The following CFAP54 variants were observed in gnomAD, a reference collection of about 807,000 sequenced individuals.
CFAP54 encodes the protein cilia- and flagella-associated protein 54.
In CFAP54, 290 loss-of-function variants were observed where a neutral mutation model predicts 370.4. The ratio of observed to expected loss-of-function variants is 0.78; its 90% CI spans 0.71 to 0.86. The LOEUF (loss-of-function observed/expected upper bound fraction) is 0.86. CFAP54 is among the 40% of genes least tolerant of loss of function. The pLI is 0.00. For missense variants in CFAP54, 3,399 were observed against 3,528.7 expected (o/e 0.96, Z 0.93); for synonymous variants, 1,206 against 1,236.5 (o/e 0.98, Z 0.52).
intron 55 of CFAP54, among the ~76,000 whole-genome samples, chr12:96,751,938 C>T (rs897423728): frequency 2.6e-5 from 4 of 152,084 alleles, no homozygotes; most frequent in Non-Finnish European, 2.9e-5. Flanking sequence ...TGCCTGGCCT[C>T]CTTACTCTTC....
At chr12:96,540,424 A>G (rs1264772705) in intron 13 of CFAP54, among the ~76,000 whole-genome samples, 1 of 152,148 alleles carries the variant, frequency 6.6e-6, no homozygotes, top group Non-Finnish European at 1.5e-5. Context: ...AAGTCACCTG[A>G]TATGGAGCCT....
chr12:96,785,704 C>T (rs1958622463), intron 61 of CFAP54, among the ~76,000 whole-genome samples: 1 of 152,194 alleles, frequency 6.6e-6, no homozygotes, highest in Admixed American at 6.5e-5. Flanking sequence ...AGCCAGTCTG[C>T]TCACCTCTGA....
intron 50 of CFAP54, among the ~76,000 whole-genome samples, chr12:96,728,708 C>T (rs1297677786): frequency 1.3e-5 from 2 of 152,182 alleles, no homozygotes; most frequent in African/African-American, 2.4e-5. Context: ...AGCTTTGTTC[C>T]GTTGCTGGTG....
In CFAP54 at chr12:96,576,529, GTAAA is replaced by G. The variant is rs764655611; in HGVS notation, c.2620-53_2620-50del. On this transcript the variant is annotated intron_variant, in intron 19 of 67. Transcript: ENST00000524981. ...TTAACATCACTAGAATTCTATAAAC[GTAAA>G]TAGAGTTCAAGCTCTTGACATATAT... 886 of 1,278,050 alleles carry G rather than the reference GTAAA, an allele frequency of 6.9e-4. 1 individual carries two copies. The highest frequency in any genetic ancestry group is 8.1e-4 in the Non-Finnish European group (767 of 952,364). 79.2% of individuals were successfully genotyped at this position (1,278,050 alleles called of 1,614,324 possible). A position where few individuals can be genotyped will look rare whatever the true frequency, so the allele number is the denominator to read the frequency against.
chr12:96,653,146 G>A (rs1287285532), intron 36 of CFAP54, among the ~76,000 whole-genome samples: 1 of 152,168 alleles, frequency 6.6e-6, no homozygotes, highest in Non-Finnish European at 1.5e-5. Flanking sequence ...GGCTGTTCCT[G>A]AGTTTTCTTT....
chr12:96,514,021 A>G (rs540553290), intron 5 of CFAP54, among the ~76,000 whole-genome samples: 5 of 152,314 alleles, frequency 3.3e-5, no homozygotes, highest in Admixed American at 2.0e-4. Flanking sequence ...TGACTTCCCT[A>G]CAATGTTGGT....
chr12:96,855,226 A>T (rs1222209848), intron 66 of CFAP54, among the ~76,000 whole-genome samples: 1 of 152,138 alleles, frequency 6.6e-6, no homozygotes, highest in Non-Finnish European at 1.5e-5. Context: ...CATGGGGAAT[A>T]TGGGAACTAT....
At chr12:96,764,792 T>G (rs1402055672) in intron 59 of CFAP54, among the ~76,000 whole-genome samples, 2 of 152,226 alleles carry the variant, frequency 1.3e-5, no homozygotes, top group Non-Finnish European at 2.9e-5. Context: ...TATACATGTG[T>G]ACATATTTGA....
chr12:96,542,186 C>T (rs142028908), intron 14 of CFAP54, among the ~76,000 whole-genome samples: 39 of 152,272 alleles, frequency 2.6e-4, no homozygotes, highest in African/African-American at 8.7e-4. Context: ...GCCTGTCCTC[C>T]GCTGTTGAGT....
chr12:96,568,500 T>G (rs1955883600), intron 19 of CFAP54, among the ~76,000 whole-genome samples: 1 of 152,158 alleles, frequency 6.6e-6, no homozygotes. Context: ...TGATCAGTCC[T>G]CAGGGTACTC....
Position 96,720,428 on chromosome 12 carries a change from G to T in CFAP54, c.6828G>T (p.Glu2276Asp), listed in dbSNP as rs1957735890. 1 of 1,555,374 alleles carries T rather than the reference G, an allele frequency of 6.4e-7. No homozygotes were observed. Among genetic ancestry groups the T allele is most frequent in the Non-Finnish European group, 8.7e-7 (1 of 1,147,636 alleles). Residue 2276 changes from glutamate (E) to aspartate (D), a missense_variant, in exon 50 of 68, where the codon GAG (glutamate) becomes GAT (aspartate). By Grantham distance (45) the Glu-to-Asp change is conservative. Transcript: ENST00000524981. Reference protein sequence around the residue: ...MLKSMLLMEAEDRLNFLLSEV... With the variant: ...MLKSMLLMEADDRLNFLLSEV... ...AGTCGATGTTACTGATGGAAGCTGA[G>T]GACAGGCTAAACTTCCTTCTGTCCG...
intron 26 of CFAP54, among the ~76,000 whole-genome samples, chr12:96,610,411 G>C (rs1444458597): frequency 7.3e-5 from 11 of 151,458 alleles, no homozygotes; most frequent in Admixed American, 7.2e-4. Context: ...GGGAGTTATG[G>C]GGGGGTGGGG....
rs1957983264 is a variant in CFAP54, at chr12:96,736,669, T to A, written c.6966-3287T>A. On this transcript the variant is annotated intron_variant, in intron 50 of 67. Coordinates refer to ENST00000524981, the MANE Select transcript of CFAP54 (RefSeq NM_001306084.2). Reference sequence around the variant, plus strand: ...TAAAAGGATTTTCAGTTATCAAAGATACTAAGAAAAGATAAAGAAACAAAG... The same window carrying A: ...TAAAAGGATTTTCAGTTATCAAAGAAACTAAGAAAAGATAAAGAAACAAAG... Among the ~76,000 whole-genome samples, 6 of 152,190 alleles carry A rather than the reference T, an allele frequency of 3.9e-5. No homozygotes were observed. The South Asian group carries it at 1.2e-3, about 32-fold the overall frequency.
At chr12:96,595,643 C>A (rs1160693757) in intron 25 of CFAP54, among the ~76,000 whole-genome samples, 1 of 152,112 alleles carries the variant, frequency 6.6e-6, no homozygotes, top group Admixed American at 6.5e-5. Context: ...AGGTGTGTCT[C>A]CTCCTACATT....
At chr12:96,872,868 C>G (rs377223973) in intron 67 of CFAP54, among the ~76,000 whole-genome samples, 10 of 152,160 alleles carry the variant, frequency 6.6e-5, no homozygotes, top group African/African-American at 2.2e-4. Flanking sequence ...TGGGACTATC[C>G]CCAAACTAAG....
chr12:96,726,099 TG>T (rs1425614062), intron 50 of CFAP54, among the ~76,000 whole-genome samples: 1 of 149,774 alleles, frequency 6.7e-6, no homozygotes, highest in Admixed American at 6.7e-5. Flanking sequence ...TGAGGATTTT[TG>T]CATCAATGTT....
chr12:96,786,631 G>A (rs192798989), intron 61 of CFAP54, 44 bp from the exon 62 acceptor site: 15 of 1,370,618 alleles, frequency 1.1e-5, no homozygotes, highest in South Asian at 2.6e-5. Context: ...AGATCATCCC[G>A]TTTTCTAATA....
At chr12:96,566,212 G>T (rs1024513792) in intron 19 of CFAP54, among the ~76,000 whole-genome samples, 1 of 152,170 alleles carries the variant, frequency 6.6e-6, no homozygotes, top group Non-Finnish European at 1.5e-5. Flanking sequence ...TCTTACCTCT[G>T]TCGGATGCAG....
At chr12:96,759,304 C>A (rs1198905811) in intron 58 of CFAP54, among the ~76,000 whole-genome samples, 2 of 148,964 alleles carry the variant, frequency 1.3e-5, no homozygotes, top group African/African-American at 4.9e-5. Flanking sequence ...AAAAAAAAAA[C>A]CCTTGTTTTT....
Sources: allele counts gnomAD v4.1 joint callset (sites outside exome capture counted in the v4.1 genomes callset), GRCh38; gene constraint gnomAD v4.1.1; transcripts MANE v1.5; gene names NCBI Gene and HGNC (gene_info 2026-07-23, HGNC 2026-07-21).